DDX31: variants seen among roughly 807,000 people sequenced by gnomAD.
DDX31 encodes the protein ATP-dependent DNA helicase DDX31.
In DDX31, 70 loss-of-function variants were observed where a neutral mutation model predicts 91.3. That is an observed-to-expected ratio of 0.77 (90% CI 0.63 to 0.94). The LOEUF is 0.94. DDX31 is among the 40% of genes least tolerant of loss of function. The pLI is 0.00. For missense variants in DDX31, 902 were observed against 925.0 expected, an observed-to-expected ratio of 0.98 and a Z score of 0.32; for synonymous variants, 362 against 350.6, an observed-to-expected ratio of 1.03 and a Z score of -0.36.
chr9:132,622,050 G>A (rs1475710584), intron 17 of DDX31, among the ~76,000 whole-genome samples: 1 of 151,368 alleles, frequency 6.6e-6, no homozygotes, highest in African/African-American at 2.4e-5. Flanking sequence ...ATTCACTACT[G>A]TCTATCAAGG....
chr9:132,638,947 AG>A (rs1425425312), intron 14 of DDX31, among the ~76,000 whole-genome samples: 1 of 152,186 alleles, frequency 6.6e-6, no homozygotes, highest in Non-Finnish European at 1.5e-5. Context: ...CACAGTATAA[AG>A]GGGGGAAAAT....
At position 132,632,086 on chromosome 9, in the gene DDX31, A is replaced by C. The variant is rs757976205; in HGVS notation, c.1446T>G (p.Val482=). ...GAGGGAGATCTAAGCCCCGAGCTGCAACATCCTTTAACAAAGAAAAGAATA... is the reference window on the plus strand; with the variant it reads ...GAGGGAGATCTAAGCCCCGAGCTGCCACATCCTTTAACAAAGAAAAGAATA... ...SRRGVLLCTD[V]AARGLDLPQV... Residue 482 remains valine (V), a synonymous_variant, in exon 15 of 20, where the codon GTT becomes GTG. Coordinates refer to ENST00000372159, the MANE Select transcript of DDX31 (RefSeq NM_022779.9). 2 of 1,612,928 alleles carry C rather than the reference A, an allele frequency of 1.2e-6. No homozygotes were observed. Among genetic ancestry groups the C allele is most frequent in the East Asian group, 4.5e-5 (2 of 44,844 alleles).
intron 6 of DDX31, among the ~76,000 whole-genome samples, chr9:132,653,617 T>C (rs1834360044): frequency 2.2e-5 from 3 of 137,266 alleles, no homozygotes; most frequent in Admixed American, 2.2e-4. Flanking sequence ...ATATACAAAA[T>C]CTATATGAAG....
At chr9:132,633,557 A>T (rs1319830380) in intron 14 of DDX31, among the ~76,000 whole-genome samples, 1 of 152,168 alleles carries the variant, frequency 6.6e-6, no homozygotes, top group Non-Finnish European at 1.5e-5. Context: ...CTATATACGG[A>T]TATGGAGACT....
Position 132,663,434 on chromosome 9 carries a change from A to G in DDX31, c.76-739T>C, listed in dbSNP as rs1006089805. The G allele has an allele frequency of 2.0e-5, 20 of 985,312 alleles. No homozygotes were observed. The African/African-American group carries it at 2.4e-4, about 12-fold the overall frequency. 61.0% of individuals were successfully genotyped at this position (985,312 alleles called of 1,614,324 possible). A position where few individuals can be genotyped will look rare whatever the true frequency, so the allele number is the denominator to read the frequency against. On this transcript the variant is annotated intron_variant, in intron 1 of 19. Transcript: ENST00000372159. The stretch of plus-strand genomic sequence containing the variant: ...TGCCTGATTGCGGATTACAGGCTAC[A>G]CAGCACTAGGGATCTCTTGCCTGTT...
At position 132,635,945 on chromosome 9, in the gene DDX31, A is replaced by G. The variant is rs181525662; in HGVS notation, c.1441-3854T>C. Among the ~76,000 whole-genome samples, 109 of 151,154 alleles carry G rather than the reference A, an allele frequency of 7.2e-4. No individual in the cohort carries two copies. The South Asian group carries it at 0.018, about 25-fold the overall frequency. ...GGCAACAAGAGCAAAACTCTGTCTCAAAAAAAAAGAGAAGAAGAAAAAGAA... is the reference window on the plus strand; with the variant it reads ...GGCAACAAGAGCAAAACTCTGTCTCGAAAAAAAAGAGAAGAAGAAAAAGAA... On this transcript the variant is annotated intron_variant, in intron 14 of 19. Coordinates refer to ENST00000372159, the MANE Select transcript of DDX31 (RefSeq NM_022779.9).
intron 17 of DDX31, among the ~76,000 whole-genome samples, chr9:132,622,403 A>C (rs949958817): frequency 6.8e-6 from 1 of 147,530 alleles, no homozygotes; most frequent in African/African-American, 2.5e-5. Context: ...ACAGAAGGGC[A>C]GATGCTACCA....
chr9:132,626,154 A>T (rs1162983978), intron 16 of DDX31, among the ~76,000 whole-genome samples: 1 of 146,408 alleles, frequency 6.8e-6, no homozygotes, highest in African/African-American at 2.6e-5. Context: ...AAAAAAAAAA[A>T]GGAAGAAAAG....
intron 17 of DDX31, among the ~76,000 whole-genome samples, chr9:132,621,993 TAAA>T (rs11306949): frequency 0.13 from 18,327 of 143,678 alleles, 1,209 homozygotes; most frequent in Admixed American, 0.19. Flanking sequence ...CAGCTTTTCT[TAAA>T]AAAAAAAAAA....
At chr9:132,650,681 G>C (rs1025176071) in intron 8 of DDX31, among the ~76,000 whole-genome samples, 2 of 152,200 alleles carry the variant, frequency 1.3e-5, no homozygotes, top group Non-Finnish European at 2.9e-5. Context: ...ATAAAAGAAA[G>C]GATGGATCAA....
chr9:132,625,127 T>G (rs1832317501), intron 17 of DDX31, among the ~76,000 whole-genome samples: 1 of 152,154 alleles, frequency 6.6e-6, no homozygotes, highest in Non-Finnish European at 1.5e-5. Context: ...TGTCCAGGGC[T>G]GCCTGCACCT....
Position 132,609,887 on chromosome 9 carries a change from T to C in DDX31, c.1994+2200A>G, listed in dbSNP as rs535964005. On this transcript the variant is annotated intron_variant, in intron 19 of 19. Transcript: ENST00000372159. ...CACCCGCCTCGGCCTCCCAAAGTGC[T>C]AGGATTATAAGAGTGAGTCACCGCG... 2.6e-5 allele frequency among the ~76,000 whole-genome samples: 4 copies of C among 152,302 alleles called. No homozygotes were observed. In the South Asian group the frequency reaches 8.3e-4, roughly 32 times the overall value.
At chr9:132,633,408 A>T (rs1832913828) in intron 14 of DDX31, among the ~76,000 whole-genome samples, 1 of 152,232 alleles carries the variant, frequency 6.6e-6, no homozygotes, top group African/African-American at 2.4e-5. Context: ...TGATATAGGC[A>T]TGAGGCCATT....
intron 11 of DDX31, among the ~76,000 whole-genome samples, 190 bp from the exon 12 acceptor site, chr9:132,647,248 T>C (rs1253390754): frequency 6.6e-6 from 1 of 152,112 alleles, no homozygotes; most frequent in Non-Finnish European, 1.5e-5. Flanking sequence ...TACCAACGTA[T>C]CTTTCCATAG....
intron 14 of DDX31, chr9:132,638,200 G>C (rs1006000135): frequency 3.6e-5 from 54 of 1,484,432 alleles, no homozygotes; most frequent in Non-Finnish European, 4.7e-5. Flanking sequence ...GGACAATCAA[G>C]GACAGCCACC....
chr9:132,663,912 G>C (rs957678994), intron 1 of DDX31, among the ~76,000 whole-genome samples: 10 of 152,166 alleles, frequency 6.6e-5, no homozygotes, highest in African/African-American at 2.4e-4. Context: ...CAGGTTTGTT[G>C]AATCATTTGC....
Position 132,610,607 on chromosome 9 carries a change from CA to C in DDX31, c.1994+1479del, listed in dbSNP as rs1408240955. On this transcript the variant is annotated intron_variant, in intron 19 of 19. Coordinates refer to ENST00000372159, the MANE Select transcript of DDX31 (RefSeq NM_022779.9). Reference sequence around the variant, plus strand: ...TTCATCTGCAGGGCCCTATATGGTTCAAAAAGCATATTCACAAGTCACCTCA... The same window carrying C: ...TTCATCTGCAGGGCCCTATATGGTTCAAAAGCATATTCACAAGTCACCTCA... Among the ~76,000 whole-genome samples the C allele has an allele frequency of 4.0e-5, 6 of 151,560 alleles. No individual in the cohort carries two copies. The East Asian group carries it at 9.7e-4, about 25-fold the overall frequency.
intron 14 of DDX31, among the ~76,000 whole-genome samples, chr9:132,632,319 G>A (rs983478375): frequency 9.6e-6 from 1 of 103,818 alleles, no homozygotes; most frequent in Non-Finnish European, 2.3e-5. Flanking sequence ...CAACTTCAGG[G>A]GGCTCAGGGA....
chr9:132,660,120 G>C (rs1223168671), intron 4 of DDX31, among the ~76,000 whole-genome samples: 3 of 152,048 alleles, frequency 2.0e-5, no homozygotes, highest in Non-Finnish European at 4.4e-5. Flanking sequence ...TGGATCACCT[G>C]AGGTAAGGAG....
Sources: allele counts gnomAD v4.1 joint callset (sites outside exome capture counted in the v4.1 genomes callset), GRCh38; gene constraint gnomAD v4.1.1; transcripts MANE v1.5; gene names NCBI Gene and HGNC (gene_info 2026-07-23, HGNC 2026-07-21).